The following CCDC175 variants were observed in gnomAD, a reference collection of about 807,000 sequenced individuals.
The protein encoded by CCDC175 is coiled-coil domain-containing protein 175.
In CCDC175, 100 loss-of-function variants were observed where a neutral mutation model predicts 114.6. That is an observed-to-expected ratio of 0.87 (90% CI 0.74 to 1.03). The LOEUF is 1.03. Ranked by LOEUF, CCDC175 falls within the 50% of genes least tolerant of loss-of-function variation. The pLI, the probability that CCDC175 is intolerant of heterozygous loss-of-function variation, is 0.00. For synonymous variants in CCDC175, 306 were observed against 308.7 expected (o/e 0.99, Z 0.09); for missense variants, 880 against 917.8 (o/e 0.96, Z 0.53).
At chr14:59,508,399 T>TATACACACAC (rs1555340460) in intron 19 of CCDC175, among the ~76,000 whole-genome samples, 2 of 97,350 alleles carry the variant, frequency 2.1e-5, no homozygotes, top group Non-Finnish European at 3.8e-5. Context: ...GTCTCCAAAA[T>TATACACACAC]ACACACACAC....
intron 19 of CCDC175, among the ~76,000 whole-genome samples, chr14:59,509,173 CAGA>C (rs1181292735): frequency 1.3e-5 from 2 of 152,116 alleles, no homozygotes; most frequent in African/African-American, 4.8e-5. Context: ...CAGATAAAAA[CAGA>C]AGATTAATTC....
intron 12 of CCDC175, 69 bp from the exon 13 acceptor site, chr14:59,538,223 G>A: frequency 7.7e-7 from 1 of 1,302,092 alleles, no homozygotes; most frequent in Admixed American, 2.9e-5. Context: ...CGAATAGCCA[G>A]GAAATTAATA....
intron 1 of CCDC175, among the ~76,000 whole-genome samples, chr14:59,575,294 AT>A (rs59733429): frequency 0.92 from 139,432 of 152,090 alleles, 64,037 homozygotes; most frequent in East Asian, 1. Flanking sequence ...GGGTGTAATG[AT>A]TTTTTTTTCC....
At chr14:59,558,022 T>C (rs1397824030) in intron 7 of CCDC175, among the ~76,000 whole-genome samples, 1 of 152,164 alleles carries the variant, frequency 6.6e-6, no homozygotes, top group African/African-American at 2.4e-5. Context: ...AATGCAGCTC[T>C]AGACAGGTGG....
In CCDC175 at chr14:59,540,676, A is replaced by AAAAAT; in HGVS notation, c.1353_1354insATTTT (p.Cys452IlefsTer5). On this transcript the variant is annotated frameshift_variant and splice_region_variant, in exon 11 of 20. Transcript: ENST00000537690. LOFTEE classifies it high-confidence loss of function. ...TTTTTTTTTTTTTTTTTTTTTTACCATCTCTGACTTTCTCTTTCCAGGTTA... is the reference window on the plus strand; with the variant it reads ...TTTTTTTTTTTTTTTTTTTTTTACCAAAAATTCTCTGACTTTCTCTTTCCAGGTTA... 1.7e-6 allele frequency: 2 copies of AAAAAT among 1,159,082 alleles called. No homozygotes were observed. Among genetic ancestry groups the AAAAAT allele is most frequent in the Admixed American group, 3.3e-5 (1 of 29,948 alleles). 71.8% of individuals were successfully genotyped at this position (1,159,082 alleles called of 1,614,324 possible). A position where few individuals can be genotyped will look rare whatever the true frequency, so the allele number is the denominator to read the frequency against.
Position 59,529,401 on chromosome 14 carries a change from G to A in CCDC175, c.1763-2227C>T, listed in dbSNP as rs563267902. ...AGGAGGAGGAGTCACTCAGCTAACT[G>A]CACAAGAAGGGGATTTGACCTGGAG... On this transcript the variant is annotated intron_variant, in intron 14 of 19. Transcript: ENST00000537690. Among the ~76,000 whole-genome samples the A allele has an allele frequency of 2.0e-5, 3 of 152,294 alleles. No individual in the cohort carries two copies. In the South Asian group the frequency reaches 6.2e-4, roughly 32 times the overall value.
At chr14:59,512,996 G>A (rs1159872742) in intron 17 of CCDC175, among the ~76,000 whole-genome samples, 3 of 152,164 alleles carry the variant, frequency 2.0e-5, no homozygotes, top group Non-Finnish European at 4.4e-5. Flanking sequence ...TGTGATATTG[G>A]TATAAAGTTA....
intron 1 of CCDC175, among the ~76,000 whole-genome samples, chr14:59,576,180 A>C (rs575010469): frequency 6.6e-6 from 1 of 152,354 alleles, no homozygotes; most frequent in African/African-American, 2.4e-5. Context: ...TCAACACAAC[A>C]GAAGCCTCTT....
intron 4 of CCDC175, among the ~76,000 whole-genome samples, chr14:59,566,962 G>A (rs1896586132): frequency 6.6e-6 from 1 of 152,114 alleles, no homozygotes; most frequent in Non-Finnish European, 1.5e-5. Flanking sequence ...TGTCAGGAAT[G>A]CAAATTCTTA....
At chr14:59,526,818 T>A (rs995441094) in intron 15 of CCDC175, among the ~76,000 whole-genome samples, 8 of 152,168 alleles carry the variant, frequency 5.3e-5, no homozygotes, top group African/African-American at 1.9e-4. Context: ...CACAAGTACA[T>A]GTTAGTTGGT....
intron 8 of CCDC175, among the ~76,000 whole-genome samples, chr14:59,547,688 C>T (rs1220686804): frequency 1.3e-5 from 2 of 152,140 alleles, no homozygotes; most frequent in African/African-American, 4.8e-5. Flanking sequence ...AGCACATACA[C>T]ATAAATTCCA....
At chr14:59,518,397 G>A (rs1393815649) in intron 17 of CCDC175, among the ~76,000 whole-genome samples, 2 of 152,028 alleles carry the variant, frequency 1.3e-5, no homozygotes, top group Non-Finnish European at 2.9e-5. Context: ...CTACAGAATG[G>A]GAGAAAATTT....
At chr14:59,539,063 C>T (rs570922858) in intron 11 of CCDC175, among the ~76,000 whole-genome samples, 87 of 152,332 alleles carry the variant, frequency 5.7e-4, no homozygotes, top group African/African-American at 2.1e-3. Flanking sequence ...ATCTACACTT[C>T]CAATAGAACA....
intron 4 of CCDC175, among the ~76,000 whole-genome samples, chr14:59,565,698 C>T (rs1244591382): frequency 2.0e-5 from 3 of 151,416 alleles, no homozygotes; most frequent in Non-Finnish European, 4.4e-5. Flanking sequence ...CAGAGTGAGT[C>T]TCTGTCTGAA....
At chr14:59,520,734 T>C (rs1285093069) in intron 17 of CCDC175, among the ~76,000 whole-genome samples, 1 of 152,126 alleles carries the variant, frequency 6.6e-6, no homozygotes, top group African/African-American at 2.4e-5. Flanking sequence ...ATTTGCTGAG[T>C]GAAAGAAGCC....
At chr14:59,507,570 T>C (rs1326811253) in intron 19 of CCDC175, among the ~76,000 whole-genome samples, 1 of 152,174 alleles carries the variant, frequency 6.6e-6, no homozygotes. Context: ...TAAGGGCTTC[T>C]CCAGAAGTCC....
chr14:59,573,883 G>A (rs1006463628), intron 2 of CCDC175, among the ~76,000 whole-genome samples: 1 of 152,094 alleles, frequency 6.6e-6, no homozygotes, highest in African/African-American at 2.4e-5. Context: ...CCGGAGTGCT[G>A]GGATTACAGG....
At position 59,527,133 on chromosome 14, in the gene CCDC175, GA is replaced by G; in HGVS notation, c.1803del (p.Leu602CysfsTer16). ...QEEDLLNNHI[F>X]LFTRDFSRYI... ...TATCTTGAAAAGTCCCTTGTAAACA[GA>G]AAAATGTGATTGTTCAGTAAATCTT... On this transcript the variant is annotated frameshift_variant, in exon 15 of 20. Coordinates refer to ENST00000537690, the MANE Select transcript of CCDC175 (RefSeq NM_001164399.2). LOFTEE classifies it high-confidence loss of function. 1.3e-6 allele frequency: 2 copies of G among 1,497,800 alleles called. No homozygotes were observed. Among genetic ancestry groups the G allele is most frequent in the African/African-American group, 1.4e-5 (1 of 71,016 alleles). 92.8% of individuals were successfully genotyped at this position (1,497,800 alleles called of 1,614,324 possible).
intron 1 of CCDC175, among the ~76,000 whole-genome samples, chr14:59,575,727 CT>C (rs1897080522): frequency 6.6e-6 from 1 of 152,246 alleles, no homozygotes; most frequent in East Asian, 1.9e-4. Context: ...CCAGGCTGGT[CT>C]CAAACTCCTG....
Sources: gnomAD v4.1 joint callset for allele counts (sites outside exome capture counted in the v4.1 genomes callset) on GRCh38, gnomAD v4.1.1 for gene constraint, MANE v1.5 for transcripts, NCBI Gene and HGNC (gene_info 2026-07-23, HGNC 2026-07-21) for gene names.